CCDC18: variants seen among roughly 807,000 people sequenced by gnomAD.
CCDC18 encodes the protein coiled-coil domain-containing protein 18.
In CCDC18, 157 loss-of-function variants were observed where a neutral mutation model predicts 196.0. That is an observed-to-expected ratio of 0.80 (90% confidence interval 0.70 to 0.91). The LOEUF (loss-of-function observed/expected upper bound fraction) is 0.91. CCDC18 is among the 40% of genes least tolerant of loss of function. The probability of loss-of-function intolerance (pLI) is 0.00; values close to 1 mark genes in which losing one functional copy is unlikely to be tolerated. For synonymous variants in CCDC18, 482 were observed against 529.2 expected (o/e 0.91, Z 1.22); for missense variants, 1,465 against 1,611.6 (o/e 0.91, Z 1.56).
At chr1:93,236,034 T>G (rs938655667) in intron 18 of CCDC18, among the ~76,000 whole-genome samples, 1 of 152,186 alleles carries the variant, frequency 6.6e-6, no homozygotes, top group Non-Finnish European at 1.5e-5. Flanking sequence ...AACACTTTAG[T>G]GTTATGATGT....
intron 4 of CCDC18, among the ~76,000 whole-genome samples, chr1:93,186,934 G>C (rs1434369564): frequency 6.6e-6 from 1 of 151,898 alleles, no homozygotes; most frequent in African/African-American, 2.4e-5. Context: ...GTTTTAAATA[G>C]TTTTGGTGTT....
At chr1:93,192,944 G>T (rs1652077226) in intron 5 of CCDC18, among the ~76,000 whole-genome samples, 1 of 152,154 alleles carries the variant, frequency 6.6e-6, no homozygotes, top group African/African-American at 2.4e-5. Flanking sequence ...CACAAGTTCT[G>T]CAAATGATGC....
At chr1:93,219,091 T>G (rs932747640) in intron 14 of CCDC18, among the ~76,000 whole-genome samples, 1 of 152,202 alleles carries the variant, frequency 6.6e-6, no homozygotes, top group Non-Finnish European at 1.5e-5. Context: ...AGTCTTAATA[T>G]ATACTCAATA....
intron 6 of CCDC18, among the ~76,000 whole-genome samples, chr1:93,195,404 G>A (rs1199880481): frequency 6.6e-5 from 10 of 152,194 alleles, no homozygotes; most frequent in Non-Finnish European, 1.3e-4. Flanking sequence ...AACCTGGAAA[G>A]CATAAATAGC....
At position 93,270,522 on chromosome 1, in the gene CCDC18, C is replaced by T. The variant is rs764136650; in HGVS notation, c.4061C>T (p.Ser1354Phe). ...TCCAAGTGTACAAAATTACGTCGCT[C>T]TATTAGTGCCAGTGATCTTACTTTC... ...SFSKCTKLRR[S>F]ISASDLTFKI... is the part of the protein sequence containing the mutation. Residue 1354 changes from serine (S) to phenylalanine (F), a missense_variant, in exon 28 of 29, where the codon TCT becomes TTT. Transcript: ENST00000690025. 1 of 1,550,388 alleles carries T rather than the reference C, an allele frequency of 6.4e-7. No homozygotes were observed. Among genetic ancestry groups the T allele is most frequent in the Non-Finnish European group, 8.7e-7 (1 of 1,146,882 alleles).
At chr1:93,222,948 G>A (rs1657684586) in intron 16 of CCDC18, among the ~76,000 whole-genome samples, 1 of 151,902 alleles carries the variant, frequency 6.6e-6, no homozygotes, top group Non-Finnish European at 1.5e-5. Flanking sequence ...AATTCATTTT[G>A]TGACTGTGTA....
At chr1:93,230,329 TA>T (rs879658636) in intron 17 of CCDC18, among the ~76,000 whole-genome samples, 3,991 of 144,044 alleles carry the variant, frequency 0.028, 133 homozygotes, top group African/African-American at 0.084. Context: ...CTATTAAAAT[TA>T]AAAAAAAAAA....
At chr1:93,266,325 C>G (rs1664495177) in intron 27 of CCDC18, among the ~76,000 whole-genome samples, 1 of 152,114 alleles carries the variant, frequency 6.6e-6, no homozygotes, top group African/African-American at 2.4e-5. Flanking sequence ...GCACTAAATG[C>G]CCACAAGAGA....
At chr1:93,197,222 A>G (rs1195572916) in intron 6 of CCDC18, among the ~76,000 whole-genome samples, 1 of 152,190 alleles carries the variant, frequency 6.6e-6, no homozygotes, top group African/African-American at 2.4e-5. Flanking sequence ...GAAACAATAT[A>G]AAGGATTACC....
intron 27 of CCDC18, among the ~76,000 whole-genome samples, chr1:93,265,536 A>G (rs1664381954): frequency 1.3e-5 from 2 of 152,204 alleles, no homozygotes; most frequent in Admixed American, 6.5e-5. Flanking sequence ...GAAAAAGAAA[A>G]AGACTGCAGC....
chr1:93,200,278 A>C (rs1177380368), intron 6 of CCDC18, among the ~76,000 whole-genome samples: 2 of 151,992 alleles, frequency 1.3e-5, no homozygotes, highest in African/African-American at 4.8e-5. Context: ...CCCAGCACAT[A>C]ACAATTTTAG....
chr1:93,253,583 G>A (rs1028948506), intron 23 of CCDC18, among the ~76,000 whole-genome samples: 2 of 152,252 alleles, frequency 1.3e-5, no homozygotes, highest in Non-Finnish European at 2.9e-5. Context: ...GGGTCTGTGT[G>A]TGAGTAGCTC....
At chr1:93,251,682 T>C (rs1662272213) in intron 23 of CCDC18, among the ~76,000 whole-genome samples, 2 of 152,200 alleles carry the variant, frequency 1.3e-5, no homozygotes, top group African/African-American at 4.8e-5. Flanking sequence ...TTGCTTCTTT[T>C]CTCTCACTGC....
chr1:93,215,129 T>G (rs977233189), intron 12 of CCDC18, among the ~76,000 whole-genome samples, 163 bp downstream of exon 12: 2 of 152,230 alleles, frequency 1.3e-5, no homozygotes, highest in African/African-American at 4.8e-5. Flanking sequence ...TTTGGAAACC[T>G]TTGTATTTTA....
intron 21 of CCDC18, among the ~76,000 whole-genome samples, chr1:93,245,104 A>G (rs933415477): frequency 5.9e-5 from 9 of 152,164 alleles, no homozygotes; most frequent in Admixed American, 3.3e-4. Context: ...TATCTTTTTT[A>G]CTATTAAATC....
At position 93,250,905 on chromosome 1, in the gene CCDC18, A is replaced by G. The variant is rs544906452; in HGVS notation, c.3199-3566A>G. ...TATAGTTGGATTTGTTTTTTAATCC[A>G]TTCACCCACTCTATGTGTTTTAAAT... On this transcript the variant is annotated intron_variant, in intron 23 of 28. Transcript: ENST00000690025. Among the ~76,000 whole-genome samples, 25 of 152,298 alleles carry G rather than the reference A, an allele frequency of 1.6e-4. No homozygotes were observed. In the South Asian group the frequency reaches 4.6e-3, roughly 28 times the overall value.
At chr1:93,239,249 C>T in intron 19 of CCDC18, 61 bp from the exon 20 acceptor site, 14 of 1,258,376 alleles carry the variant, frequency 1.1e-5, no homozygotes, top group East Asian at 4.9e-5. Flanking sequence ...TTTTTTTAGT[C>T]AGAGACAAGT....
intron 4 of CCDC18, among the ~76,000 whole-genome samples, chr1:93,187,006 T>C (rs1003326428): frequency 2.0e-5 from 3 of 152,002 alleles, no homozygotes; most frequent in South Asian, 2.1e-4. Flanking sequence ...AGCTTTTCCA[T>C]TGAACATTTT....
At chr1:93,230,253 A>T (rs867367776) in intron 17 of CCDC18, among the ~76,000 whole-genome samples, 1 of 151,948 alleles carries the variant, frequency 6.6e-6, no homozygotes, top group South Asian at 2.1e-4. Flanking sequence ...TGTAATCCCA[A>T]CACTTTGGGA....
Sources: gnomAD v4.1 joint callset for allele counts (sites outside exome capture counted in the v4.1 genomes callset) on GRCh38, gnomAD v4.1.1 for gene constraint, MANE v1.5 for transcripts, NCBI Gene and HGNC (gene_info 2026-07-23, HGNC 2026-07-21) for gene names.